ARRB1: variants seen among roughly 807,000 people sequenced by gnomAD.
ARRB1 encodes the protein beta-arrestin-1.
In ARRB1, 21 loss-of-function variants were observed where a neutral mutation model predicts 56.8. That is an observed-to-expected ratio of 0.37 (90% CI 0.26 to 0.53). ARRB1 has a LOEUF of 0.53. Ranked by LOEUF, ARRB1 falls within the 20% of genes least tolerant of loss-of-function variation. The probability of loss-of-function intolerance (pLI) is 0.88; values close to 1 mark genes in which losing one functional copy is unlikely to be tolerated. For synonymous variants in ARRB1, 210 were observed against 218.6 expected (o/e 0.96, Z 0.35); for missense variants, 424 against 553.7 (o/e 0.77, Z 2.35).
intron 1 of ARRB1, among the ~76,000 whole-genome samples, chr11:75,320,252 T>C (rs994753017): frequency 1.8e-4 from 27 of 152,236 alleles, no homozygotes; most frequent in African/African-American, 6.5e-4. Flanking sequence ...GGATGGCTGC[T>C]GCCTGCCCAA....
In ARRB1 at chr11:75,263,250, C is replaced by T. The variant is rs1018670226; in HGVS notation, c.*2913G>A. ...GGGGCCCTGCAGAGAAGCACTGGCT[C>T]GGCCATGTTTGGGGGCTGGGAGGTG... On this transcript the variant is annotated 3_prime_UTR_variant, in exon 16 of 16. Coordinates refer to ENST00000420843, the MANE Select transcript of ARRB1 (RefSeq NM_004041.5). Among the ~76,000 whole-genome samples the T allele has an allele frequency of 1.2e-4, 19 of 152,178 alleles. No homozygotes were observed. The East Asian group carries it at 1.5e-3, about 12-fold the overall frequency.
intron 2 of ARRB1, among the ~76,000 whole-genome samples, chr11:75,288,259 G>A (rs1946527725): frequency 1.3e-5 from 2 of 152,230 alleles, no homozygotes; most frequent in Admixed American, 6.5e-5. Flanking sequence ...GTGACATCCA[G>A]CTAATGAACA....
chr11:75,294,617 A>T (rs11236384), intron 1 of ARRB1, among the ~76,000 whole-genome samples: 15,968 of 150,698 alleles, frequency 0.11, 1,232 homozygotes, highest in African/African-American at 0.2. Context: ...AACTTAAAAT[A>T]TTTTTTTAAT....
At chr11:75,330,273 T>C (rs1157453535) in intron 1 of ARRB1, among the ~76,000 whole-genome samples, 1 of 119,734 alleles carries the variant, frequency 8.4e-6, no homozygotes, top group Non-Finnish European at 1.8e-5. Flanking sequence ...CTTGGGTAAT[T>C]AGGAAGATTG....
intron 1 of ARRB1, among the ~76,000 whole-genome samples, chr11:75,317,574 T>C (rs1312742862): frequency 6.6e-6 from 1 of 152,184 alleles, no homozygotes; most frequent in Non-Finnish European, 1.5e-5. Context: ...GGAGCACATT[T>C]CACAGTGTGC....
At chr11:75,275,321 A>G (rs1946178462) in intron 10 of ARRB1, among the ~76,000 whole-genome samples, 3 of 151,470 alleles carry the variant, frequency 2.0e-5, no homozygotes, top group Admixed American at 6.6e-5. Context: ...TAATTTTTGT[A>G]TTTTTAGTAG....
chr11:75,267,566 G>A (rs372521668), intron 15 of ARRB1, 86 bp downstream of exon 15: 1 of 1,381,506 alleles, frequency 7.2e-7, no homozygotes, highest in Non-Finnish European at 1.0e-6. Flanking sequence ...CTCCTCAGGA[G>A]TTAATAAGCA....
At chr11:75,286,373 T>G (rs562868636) in intron 3 of ARRB1, among the ~76,000 whole-genome samples, 28 of 148,644 alleles carry the variant, frequency 1.9e-4, no homozygotes, top group Middle Eastern at 3.5e-3. Flanking sequence ...GTTCAAGCGA[T>G]TCTCATGCCT....
At chr11:75,277,484 G>A (rs1411526151) in intron 8 of ARRB1, 36 bp from the exon 9 acceptor site, 4 of 1,579,724 alleles carry the variant, frequency 2.5e-6, no homozygotes, top group Non-Finnish European at 3.5e-6. Flanking sequence ...TTGGCTGGGA[G>A]GACAGCAAGG....
intron 1 of ARRB1, among the ~76,000 whole-genome samples, chr11:75,310,556 C>T (rs548585551): frequency 1.3e-5 from 2 of 152,278 alleles, no homozygotes; most frequent in South Asian, 2.1e-4. Flanking sequence ...AGGCTTCCCA[C>T]GGGGTTTGGA....
Position 75,262,903 on chromosome 11 carries a change from G to A in ARRB1, c.*3260C>T, listed in dbSNP as rs538930062. Among the ~76,000 whole-genome samples, 1 of 152,212 alleles carries A rather than the reference G, an allele frequency of 6.6e-6. No individual in the cohort carries two copies. Among genetic ancestry groups the A allele is most frequent in the Admixed American group, 6.5e-5 (1 of 15,280 alleles). ...GTCTGAGCTTTGAGGCTGAGGAGAGGTGCAGCCAAATAACTCAGTCCTTAT... is the reference window on the plus strand; with the variant it reads ...GTCTGAGCTTTGAGGCTGAGGAGAGATGCAGCCAAATAACTCAGTCCTTAT... On this transcript the variant is annotated 3_prime_UTR_variant, in exon 16 of 16. Transcript: ENST00000420843.
chr11:75,273,770 G>A (rs982664947), intron 11 of ARRB1, among the ~76,000 whole-genome samples: 2 of 152,176 alleles, frequency 1.3e-5, no homozygotes, highest in African/African-American at 2.4e-5. Context: ...AAGGCATTAC[G>A]TCAGAAGCTG....
chr11:75,325,564 C>G (rs1194089967), intron 1 of ARRB1, among the ~76,000 whole-genome samples: 1 of 152,214 alleles, frequency 6.6e-6, no homozygotes. Context: ...CTCAAGTGAT[C>G]TACCTGCCTC....
chr11:75,339,396 T>C (rs1196117353), intron 1 of ARRB1, among the ~76,000 whole-genome samples: 1 of 152,230 alleles, frequency 6.6e-6, no homozygotes, highest in African/African-American at 2.4e-5. Context: ...TCACCCTAGT[T>C]TTTTTGTCCT....
chr11:75,277,016 G>T, intron 9 of ARRB1, 105 bp from the exon 10 acceptor site: 4 of 1,138,018 alleles, frequency 3.5e-6, no homozygotes, highest in Non-Finnish European at 5.3e-6. Flanking sequence ...GCAATGGCCA[G>T]AGGCCACCAG....
intron 7 of ARRB1, among the ~76,000 whole-genome samples, chr11:75,279,492 C>T (rs1946280462): frequency 6.6e-6 from 1 of 151,958 alleles, no homozygotes; most frequent in Non-Finnish European, 1.5e-5. Context: ...CCGGCATCTC[C>T]GTTGCTCAGA....
chr11:75,351,260 G>A lies in ARRB1; in HGVS notation c.20+328C>T, dbSNP rs547776914. 7.9e-5 allele frequency among the ~76,000 whole-genome samples: 12 copies of A among 152,342 alleles called. No homozygotes were observed. The East Asian group carries it at 1.5e-3, about 20-fold the overall frequency. ...CCAGTGTGTGCGCCAGCATGCCTGT[G>A]CCACGGGTTAGTGTGCCCGTGCGTG... is the stretch of plus-strand genomic sequence containing the variant. On this transcript the variant is annotated intron_variant, in intron 1 of 15. Transcript: ENST00000420843.
chr11:75,310,013 T>A (rs1051735318), intron 1 of ARRB1, among the ~76,000 whole-genome samples: 1 of 152,164 alleles, frequency 6.6e-6, no homozygotes, highest in South Asian at 2.1e-4. Context: ...GGAACGGTGC[T>A]GGCCCTCTTA....
At chr11:75,344,449 A>T (rs1947736474) in intron 1 of ARRB1, among the ~76,000 whole-genome samples, 1 of 152,214 alleles carries the variant, frequency 6.6e-6, no homozygotes, top group Admixed American at 6.5e-5. Context: ...GCAGTAGAGC[A>T]TGCCTCTGGG....
Sources: gnomAD v4.1 joint callset for allele counts (sites outside exome capture counted in the v4.1 genomes callset) on GRCh38, gnomAD v4.1.1 for gene constraint, MANE v1.5 for transcripts, NCBI Gene and HGNC (gene_info 2026-07-23, HGNC 2026-07-21) for gene names.